NTRK3: variants seen among roughly 807,000 people sequenced by gnomAD.
The protein encoded by NTRK3 is NT-3 growth factor receptor.
A neutral mutation model predicts 91.7 loss-of-function variants in NTRK3; 24 were observed. The observed-to-expected ratio is 0.26, with a 90% CI of 0.19 to 0.37. NTRK3 has a LOEUF of 0.37. Among genes scored for constraint, NTRK3 ranks in the 10% least tolerant of loss-of-function variants. The pLI, the probability that NTRK3 is intolerant of heterozygous loss-of-function variation, is 1.00. For synonymous variants in NTRK3, 483 were observed against 404.0 expected (o/e 1.20, Z -2.34); for missense variants, 880 against 1,068.9 (o/e 0.82, Z 2.46).
chr15:87,991,838 T>C lies in NTRK3; in HGVS notation c.1585+41019A>G, dbSNP rs184878005. Among the ~76,000 whole-genome samples, 659 of 152,218 alleles carry C rather than the reference T, an allele frequency of 4.3e-3. 5 individuals carry two copies. The highest frequency in any genetic ancestry group is 0.024 in the Middle Eastern group (7 of 294). ...TTGAGAGATAGTAACTTTAAGTAAA[T>C]TACTTAACTTCCCTAAGCCTCAGTT... On this transcript the variant is annotated intron_variant, in intron 14 of 18. Coordinates refer to ENST00000394480, the Ensembl canonical transcript of NTRK3.
intron 3 of NTRK3, among the ~76,000 whole-genome samples, chr15:88,200,144 G>A (rs917100512): frequency 2.8e-4 from 42 of 152,304 alleles, no homozygotes; most frequent in African/African-American, 9.9e-4. Context: ...GCTCACTCAT[G>A]TCCCCCTGCA....
chr15:87,932,776 A>G (rs2068919024), intron 16 of NTRK3, among the ~76,000 whole-genome samples: 1 of 152,192 alleles, frequency 6.6e-6, no homozygotes, highest in Non-Finnish European at 1.5e-5. Context: ...TGGAATGAGG[A>G]AGAATAGTAT....
At chr15:87,983,901 T>C (rs1596524144) in intron 14 of NTRK3, among the ~76,000 whole-genome samples, 1 of 152,142 alleles carries the variant, frequency 6.6e-6, no homozygotes, top group South Asian at 2.1e-4. Context: ...AGCAGCACCA[T>C]ACCCTGTCAT....
chr15:87,979,073 CTT>C (rs2141342786), intron 14 of NTRK3: 1 of 548,774 alleles, frequency 1.8e-6, no homozygotes, highest in East Asian at 3.0e-5. Flanking sequence ...TTTTAATTCT[CTT>C]TATTGGCTCT....
chr15:87,940,867 G>A (rs2069768485), intron 14 of NTRK3, 114 bp from the exon 15 acceptor site: 2 of 1,422,196 alleles, frequency 1.4e-6, no homozygotes, highest in South Asian at 2.3e-5. Flanking sequence ...CCTACAGCAG[G>A]CAAAGGCAAA....
chr15:87,973,187 G>C (rs1217092907), intron 14 of NTRK3, among the ~76,000 whole-genome samples: 1 of 152,174 alleles, frequency 6.6e-6, no homozygotes, highest in African/African-American at 2.4e-5. Context: ...AGGAAAATGT[G>C]CCAAAATGAA....
chr15:88,136,749 C>T (rs886941474), intron 7 of NTRK3, 140 bp from the exon 8 acceptor site: 146 of 1,034,932 alleles, frequency 1.4e-4, no homozygotes, highest in South Asian at 2.6e-4. Context: ...CTTGGAAGAC[C>T]CGCAAATCCA....
At chr15:88,225,171 A>C (rs1031950254) in intron 3 of NTRK3, among the ~76,000 whole-genome samples, 12 of 152,328 alleles carry the variant, frequency 7.9e-5, no homozygotes, top group Non-Finnish European at 1.6e-4. Context: ...AAGAAGCCCA[A>C]GATGAAACTA....
intron 3 of NTRK3, among the ~76,000 whole-genome samples, chr15:88,213,591 TC>T (rs892967266): frequency 6.6e-6 from 1 of 152,162 alleles, no homozygotes; most frequent in African/African-American, 2.4e-5. Flanking sequence ...TAGATGGACT[TC>T]AAATAATAAT....
intron 5 of NTRK3, among the ~76,000 whole-genome samples, chr15:88,161,427 C>T (rs1224105180): frequency 6.6e-6 from 1 of 152,112 alleles, no homozygotes; most frequent in Non-Finnish European, 1.5e-5. Context: ...GTGCTCCTAG[C>T]GATCACTGCC....
chr15:88,218,857 A>C (rs1321196525), intron 3 of NTRK3, among the ~76,000 whole-genome samples: 1 of 152,188 alleles, frequency 6.6e-6, no homozygotes, highest in Non-Finnish European at 1.5e-5. Context: ...TTGCCCTAAG[A>C]GTTCTCTATT....
intron 3 of NTRK3, among the ~76,000 whole-genome samples, chr15:88,192,060 A>G (rs1235030310): frequency 6.6e-6 from 1 of 152,254 alleles, no homozygotes; most frequent in Admixed American, 6.5e-5. Flanking sequence ...CTGGGACCAC[A>G]GAAAGGAACA....
chr15:87,892,188 G>A (rs146075816), intron 17 of NTRK3, among the ~76,000 whole-genome samples: 1 of 151,974 alleles, frequency 6.6e-6, no homozygotes, highest in Non-Finnish European at 1.5e-5. Context: ...AAACCCTACA[G>A]AGTACAATGG....
chr15:87,972,818 G>A (rs141153036), intron 14 of NTRK3, among the ~76,000 whole-genome samples: 404 of 152,204 alleles, frequency 2.7e-3, no homozygotes, highest in African/African-American at 8.8e-3. Flanking sequence ...CAACCCTGCC[G>A]TTTTCCTCTA....
intron 14 of NTRK3, among the ~76,000 whole-genome samples, chr15:88,030,960 C>G (rs2078479082): frequency 6.6e-6 from 1 of 152,098 alleles, no homozygotes; most frequent in Non-Finnish European, 1.5e-5. Flanking sequence ...GTAGGGCCCC[C>G]AAGCATCGTT....
intron 13 of NTRK3, among the ~76,000 whole-genome samples, chr15:88,090,934 G>A (rs367672836): frequency 5.8e-4 from 88 of 152,308 alleles, no homozygotes; most frequent in East Asian, 2.7e-3. Context: ...ACGGCCATGC[G>A]TGCTCAAGCC....
At chr15:87,865,913 A>T (rs145324769) in exon 19 of NTRK3, 23 of 230,780 alleles carry the variant, frequency 1.0e-4, no homozygotes, top group African/African-American at 4.9e-4. Context: ...TAAAAAACAG[A>T]CACCAGCAAA....
intron 16 of NTRK3, chr15:87,931,385 G>A (rs1320365894): frequency 5.7e-6 from 2 of 348,898 alleles, no homozygotes; most frequent in East Asian, 1.6e-4. Context: ...TCACAAAATA[G>A]TAATAGTAAT....
At chr15:87,909,476 T>C (rs1255121859) in intron 17 of NTRK3, among the ~76,000 whole-genome samples, 6 of 151,956 alleles carry the variant, frequency 3.9e-5, no homozygotes, top group African/African-American at 1.5e-4. Flanking sequence ...CACAAACTCA[T>C]AGGGTGAGGC....
Sources: allele counts gnomAD v4.1 joint callset (sites outside exome capture counted in the v4.1 genomes callset), GRCh38; gene constraint gnomAD v4.1.1; transcripts MANE v1.5; gene names NCBI Gene and HGNC (gene_info 2026-07-23, HGNC 2026-07-21).